Variants in UGT1A10 observed in about 807,000 individuals in gnomAD.
UGT1A10 encodes UDP-glucuronosyltransferase 1A10.
A neutral mutation model predicts 45.8 loss-of-function variants in UGT1A10; 49 were observed. The ratio of observed to expected loss-of-function variants is 1.07; its 90% CI spans 0.85 to 1.36. The LOEUF (loss-of-function observed/expected upper bound fraction) is 1.36, where lower values mean the gene tolerates loss of function less well. Among genes scored for constraint, UGT1A10 ranks in the 40% most tolerant of loss-of-function variants. UGT1A10 has a pLI of 0.00. For missense variants in UGT1A10, 745 were observed against 668.6 expected (o/e 1.11, Z -1.26); for synonymous variants, 284 against 249.7 (o/e 1.14, Z -1.29).
chr2:233,694,741 T>C (rs1294655016), intron 1 of UGT1A10, among the ~76,000 whole-genome samples: 3 of 152,224 alleles, frequency 2.0e-5, no homozygotes, highest in Admixed American at 6.5e-5. Flanking sequence ...ATTTGAACAG[T>C]TGGCAGTAGC....
chr2:233,772,245 A>T lies in UGT1A10; in HGVS notation c.1296-17A>T, dbSNP rs1279252088. The T allele has an allele frequency of 1.2e-6, 2 of 1,614,050 alleles. No individual in the cohort carries two copies. The highest frequency in any genetic ancestry group is 1.7e-5 in the Admixed American group (1 of 60,002). On this transcript the variant is annotated splice_polypyrimidine_tract_variant and intron_variant, in intron 4 of 4. Coordinates refer to ENST00000344644, the MANE Select transcript of UGT1A10 (RefSeq NM_019075.4). ...CCACAGGTGTTCCAGGCATAACGAAACTGTCTTTGTGTTTAGTTACAAGGA... is the reference window on the plus strand; with the variant it reads ...CCACAGGTGTTCCAGGCATAACGAATCTGTCTTTGTGTTTAGTTACAAGGA...
chr2:233,742,206 C>T (rs2125841703), intron 1 of UGT1A10, among the ~76,000 whole-genome samples: 1 of 152,086 alleles, frequency 6.6e-6, no homozygotes, highest in African/African-American at 2.4e-5. Context: ...AGGGGACTCA[C>T]AGCCTTCAGG....
intron 1 of UGT1A10, chr2:233,671,709 C>A: frequency 1.0e-6 from 1 of 964,160 alleles, no homozygotes; most frequent in Non-Finnish European, 1.4e-6. Context: ...AAGGCAAAGA[C>A]CATAAGCTAC....
intron 1 of UGT1A10, among the ~76,000 whole-genome samples, chr2:233,731,737 A>G (rs2078198933): frequency 6.6e-6 from 1 of 152,224 alleles, no homozygotes; most frequent in African/African-American, 2.4e-5. Context: ...TAGTGCCACA[A>G]TAAACATACG....
At chr2:233,641,926 A>G (rs1303704869) in intron 1 of UGT1A10, among the ~76,000 whole-genome samples, 1 of 152,118 alleles carries the variant, frequency 6.6e-6, no homozygotes, top group Non-Finnish European at 1.5e-5. Context: ...TGCTGCTTTT[A>G]GAATCTTTTC....
intron 1 of UGT1A10, among the ~76,000 whole-genome samples, chr2:233,718,205 T>C (rs2076639631): frequency 6.6e-6 from 1 of 152,198 alleles, no homozygotes; most frequent in African/African-American, 2.4e-5. Context: ...AGCTTTTTTT[T>C]ATATTGACAG....
rs566706643 is a variant in UGT1A10 at position 233,663,272 on chromosome 2, G to T, written c.855+25895G>T. ...TTAATGCAGAACTAGCCGTGTGGTAGACCGGAGTTTTATTATTACTCAAAT... is the reference window on the plus strand; with the variant it reads ...TTAATGCAGAACTAGCCGTGTGGTATACCGGAGTTTTATTATTACTCAAAT... On this transcript the variant is annotated intron_variant, in intron 1 of 4. Coordinates refer to ENST00000344644, the MANE Select transcript of UGT1A10 (RefSeq NM_019075.4). 6.4e-4 allele frequency among the ~76,000 whole-genome samples: 98 copies of T among 152,350 alleles called. 1 individual carries two copies. Among genetic ancestry groups the T allele is most frequent in the African/African-American group, 2.1e-3 (87 of 41,592 alleles).
At chr2:233,687,146 A>G (rs550767147) in intron 1 of UGT1A10, among the ~76,000 whole-genome samples, 1 of 152,336 alleles carries the variant, frequency 6.6e-6, no homozygotes, top group East Asian at 1.9e-4. Context: ...AAATATGATA[A>G]TACATGCAGA....
intron 1 of UGT1A10, among the ~76,000 whole-genome samples, chr2:233,765,636 G>A (rs1698897187): frequency 6.6e-6 from 1 of 151,630 alleles, no homozygotes; most frequent in Non-Finnish European, 1.5e-5. Context: ...GGAACTTAGA[G>A]GATAGGTCAA....
chr2:233,668,473 G>A (rs775493432), intron 1 of UGT1A10, among the ~76,000 whole-genome samples: 6 of 152,178 alleles, frequency 3.9e-5, no homozygotes, highest in African/African-American at 4.8e-5. Context: ...CATTTGGGTT[G>A]CTTCCAAGTC....
At chr2:233,743,564 G>A (rs772866173) in intron 1 of UGT1A10, 83 of 1,367,154 alleles carry the variant, frequency 6.1e-5, no homozygotes, top group Non-Finnish European at 7.6e-5. Context: ...ATTCTCCAGC[G>A]GGTTTCCCAA....
At position 233,731,482 on chromosome 2, in the gene UGT1A10, G is replaced by T. The variant is rs562723642; in HGVS notation, c.856-35552G>T. Among the ~76,000 whole-genome samples the T allele has an allele frequency of 2.6e-5, 4 of 152,206 alleles. No individual in the cohort carries two copies. In the East Asian group the frequency reaches 7.7e-4, roughly 29 times the overall value. On this transcript the variant is annotated intron_variant, in intron 1 of 4. Transcript: ENST00000344644. ...CCTGGCGTGTGATGTTCCCTGGCCTGTGTCCAGTGTTCTTGCTGTTCAGTT... is the reference window on the plus strand; with the variant it reads ...CCTGGCGTGTGATGTTCCCTGGCCTTTGTCCAGTGTTCTTGCTGTTCAGTT...
chr2:233,764,219 C>T (rs759767670), intron 1 of UGT1A10, among the ~76,000 whole-genome samples: 2 of 152,130 alleles, frequency 1.3e-5, no homozygotes, highest in Non-Finnish European at 2.9e-5. Context: ...TGAAGGGAAT[C>T]AATGGTGGGG....
chr2:233,671,916 T>C, intron 1 of UGT1A10: 1 of 1,587,544 alleles, frequency 6.3e-7, no homozygotes. Context: ...AGCTGCTTGC[T>C]CTCAGCTGCA....
chr2:233,690,619 C>A (rs1210320022), intron 1 of UGT1A10: 6 of 1,289,180 alleles, frequency 4.7e-6, no homozygotes, highest in Non-Finnish European at 5.1e-6. Context: ...TGCCTGGACA[C>A]TCAAGTGATA....
At chr2:233,743,501 G>T (rs1559387094) in intron 1 of UGT1A10, 1 of 1,367,188 alleles carries the variant, frequency 7.3e-7, no homozygotes, top group Non-Finnish European at 9.8e-7. Flanking sequence ...GAGAAAAGGG[G>T]TGCAGACGCT....
rs2075126761 is a variant in UGT1A10, at chr2:233,693,015, T to G, written c.855+55638T>G. 4 of 1,614,174 alleles carry G rather than the reference T, an allele frequency of 2.5e-6. No individual in the cohort carries two copies. The East Asian group carries it at 8.9e-5, about 36-fold the overall frequency. On this transcript the variant is annotated intron_variant, in intron 1 of 4. Coordinates refer to ENST00000344644, the MANE Select transcript of UGT1A10 (RefSeq NM_019075.4). The stretch of plus-strand genomic sequence containing the variant: ...TTAACTCTTTCCAGGATGGCCTGCC[T>G]CCTTCGCTCATTTCAGAGAATTTCT...
chr2:233,767,955 A>G lies in UGT1A10; in HGVS notation c.1075+19A>G. ...CTGCTTGGTATGTTGGGCGGATTGG[A>G]TGTATAGGTCAAACCAGGGTCAAAT... On this transcript the variant is annotated intron_variant, in intron 3 of 4. Coordinates refer to ENST00000344644, the MANE Select transcript of UGT1A10 (RefSeq NM_019075.4). 1 of 1,614,124 alleles carries G rather than the reference A, an allele frequency of 6.2e-7. No homozygotes were observed. The highest frequency in any genetic ancestry group is 8.5e-7 in the Non-Finnish European group (1 of 1,180,040).
chr2:233,769,877 A>C lies in UGT1A10; in HGVS notation c.1295+1438A>C, dbSNP rs890697630. 4.7e-6 allele frequency: 2 copies of C among 421,450 alleles called. No homozygotes were observed. The highest frequency in any genetic ancestry group is 2.0e-5 in the African/African-American group (1 of 48,974). 26.1% of individuals were successfully genotyped at this position (421,450 alleles called of 1,614,324 possible). A position where few individuals can be genotyped will look rare whatever the true frequency, so the allele number is the denominator to read the frequency against. ...TGTCTCAAAAAAAAAAAAAAAAATG[A>C]AAAGTCCACATAACCTGAGCATCAT... is the stretch of plus-strand genomic sequence containing the variant. On this transcript the variant is annotated intron_variant, in intron 4 of 4. Transcript: ENST00000344644. This position sits in a 1 kb window ranked among gnomAD's most constrained non-coding sequence, Gnocchi z 4.4.
Sources: gnomAD v4.1 joint callset for allele counts (sites outside exome capture counted in the v4.1 genomes callset) on GRCh38, gnomAD v4.1.1 for gene constraint, Gnocchi (gnomAD v3.1) non-coding constraint, MANE v1.5 for transcripts, NCBI Gene and HGNC (gene_info 2026-07-23, HGNC 2026-07-21) for gene names.